Variants in HOOK1 observed in about 807,000 individuals in gnomAD.
HOOK1 encodes the protein protein Hook homolog 1.
A neutral mutation model predicts 112.8 loss-of-function variants in HOOK1; 60 were observed. That is an observed-to-expected ratio of 0.53 (90% confidence interval 0.43 to 0.66). HOOK1 has a LOEUF of 0.66. Ranked by LOEUF, HOOK1 falls within the 30% of genes least tolerant of loss-of-function variation. HOOK1 has a pLI of 0.00. For missense variants in HOOK1, 770 were observed against 856.0 expected (o/e 0.90, Z 1.25); for synonymous variants, 294 against 283.8 (o/e 1.04, Z -0.36).
At chr1:59,821,571 T>G (rs2098385633) in intron 1 of HOOK1, among the ~76,000 whole-genome samples, 1 of 152,238 alleles carries the variant, frequency 6.6e-6, no homozygotes, top group Non-Finnish European at 1.5e-5. Flanking sequence ...GTTATATACC[T>G]GGTTTTGTAT....
chr1:59,836,148 A>G (rs2098397498), intron 6 of HOOK1, among the ~76,000 whole-genome samples: 1 of 152,146 alleles, frequency 6.6e-6, no homozygotes, highest in South Asian at 2.1e-4. Context: ...GTGAGCAAAT[A>G]TGGTGGTACT....
At chr1:59,868,466 T>C in intron 20 of HOOK1, 115 bp downstream of exon 20, 2 of 712,666 alleles carry the variant, frequency 2.8e-6, no homozygotes, top group East Asian at 2.7e-5. Flanking sequence ...AAATGTCATG[T>C]TTTAGCACCC....
In HOOK1 at chr1:59,873,116, T is replaced by G; in HGVS notation, c.*151T>G. On this transcript the variant is annotated 3_prime_UTR_variant, in exon 22 of 22. Coordinates refer to ENST00000371208, the MANE Select transcript of HOOK1 (RefSeq NM_015888.6). ...AAAATCAACATGCATCAAATTAATT[T>G]TGCCAGTTGACTTTAAAAACAAATT... is the stretch of plus-strand genomic sequence containing the variant. The G allele has an allele frequency of 8.4e-6, 5 of 595,524 alleles. No individual in the cohort carries two copies. The highest frequency in any genetic ancestry group is 1.3e-5 in the Non-Finnish European group (5 of 391,468). The allele number at this position is 595,524 out of a possible 1,614,324, so 36.9% of individuals were successfully genotyped here.
chr1:59,853,546 G>C (rs78468434), intron 12 of HOOK1, among the ~76,000 whole-genome samples: 7,332 of 151,900 alleles, frequency 0.048, 205 homozygotes, highest in Middle Eastern at 0.092. Flanking sequence ...GATTCTGCCA[G>C]TATTTGCTTT....
At chr1:59,818,023 T>C (rs898929930) in intron 1 of HOOK1, among the ~76,000 whole-genome samples, 1 of 152,228 alleles carries the variant, frequency 6.6e-6, no homozygotes, top group African/African-American at 2.4e-5. Context: ...TTAAGTGTGA[T>C]ATAGCTTAGT....
At chr1:59,859,082 ATAT>A (rs2098412201) in intron 14 of HOOK1, 37 bp downstream of exon 14, 6 of 1,023,560 alleles carry the variant, frequency 5.9e-6, no homozygotes, top group African/African-American at 1.7e-5. Context: ...ATTATATTTA[ATAT>A]TATAATTTTT....
At chr1:59,870,811 T>G (rs1259328660) in intron 20 of HOOK1, 2 of 406,906 alleles carry the variant, frequency 4.9e-6, no homozygotes, top group Non-Finnish European at 9.0e-6. Context: ...ATCATTCTCT[T>G]CTACCTGTAA....
intron 7 of HOOK1, among the ~76,000 whole-genome samples, chr1:59,839,695 T>C (rs1482159649): frequency 6.6e-6 from 1 of 152,206 alleles, no homozygotes; most frequent in Non-Finnish European, 1.5e-5. Flanking sequence ...TTCTCTTGCC[T>C]GATTGCCCTG....
intron 18 of HOOK1, among the ~76,000 whole-genome samples, chr1:59,865,505 AAAATGATTTC>A (rs1643945170): frequency 6.6e-6 from 1 of 152,164 alleles, no homozygotes; most frequent in African/African-American, 2.4e-5. Context: ...AATGTGGGTA[AAAATGATTTC>A]AAATCAGATT....
chr1:59,819,138 ATTTTTTTTTTTTTT>A (rs60936378), intron 1 of HOOK1, among the ~76,000 whole-genome samples: 2 of 76,542 alleles, frequency 2.6e-5, no homozygotes, highest in Admixed American at 1.6e-4. Context: ...CCCAATAAGC[ATTTTTTTTTTTTTT>A]TTTTTTTTTT....
intron 2 of HOOK1, among the ~76,000 whole-genome samples, chr1:59,822,783 C>A (rs939568685): frequency 6.6e-6 from 1 of 152,164 alleles, no homozygotes; most frequent in Non-Finnish European, 1.5e-5. Context: ...CCATGATTTA[C>A]ATTGAAAACC....
Position 59,873,555 on chromosome 1 carries a change from T to C in HOOK1, c.*590T>C, listed in dbSNP as rs1313642362. On this transcript the variant is annotated 3_prime_UTR_variant, in exon 22 of 22. Coordinates refer to ENST00000371208, the MANE Select transcript of HOOK1 (RefSeq NM_015888.6). The stretch of plus-strand genomic sequence containing the variant: ...GGAAGATCTGACAATTGGAATGACT[T>C]TGGAATAATAAAATTGACTAATTGG... The C allele has an allele frequency of 6.6e-6, 1 of 151,702 alleles. No individual in the cohort carries two copies. Among genetic ancestry groups the C allele is most frequent in the Non-Finnish European group, 1.5e-5 (1 of 67,892 alleles). 9.4% of individuals were successfully genotyped at this position (151,702 alleles called of 1,614,324 possible).
At chr1:59,864,136 A>C (rs1451656516) in intron 16 of HOOK1, among the ~76,000 whole-genome samples, 1 of 151,974 alleles carries the variant, frequency 6.6e-6, no homozygotes, top group Non-Finnish European at 1.5e-5. Context: ...CTTTTTAACA[A>C]TATTCAGTTG....
At chr1:59,864,555 TAA>T in intron 16 of HOOK1, 75 bp from the exon 17 acceptor site, 2 of 879,136 alleles carry the variant, frequency 2.3e-6, no homozygotes, top group Non-Finnish European at 3.8e-6. Flanking sequence ...CAAAAGGAGG[TAA>T]AGAGATTTCG....
At chr1:59,828,893 G>A (rs779794991) in intron 3 of HOOK1, 41 bp downstream of exon 3, 2 of 1,480,220 alleles carry the variant, frequency 1.4e-6, no homozygotes, top group African/African-American at 2.8e-5. Flanking sequence ...TCCAAACAGT[G>A]GTCCTAAAGT....
At chr1:59,828,697 G>A in intron 2 of HOOK1, 83 bp from the exon 3 acceptor site, 2 of 1,122,216 alleles carry the variant, frequency 1.8e-6, no homozygotes, top group Non-Finnish European at 2.6e-6. Flanking sequence ...AAGACATAAA[G>A]TAACTTTCTC....
intron 12 of HOOK1, among the ~76,000 whole-genome samples, chr1:59,857,061 T>C (rs2098411116): frequency 6.6e-6 from 1 of 152,186 alleles, no homozygotes; most frequent in African/African-American, 2.4e-5. Context: ...TCAGTACCTG[T>C]GGTGGCAAAC....
chr1:59,859,709 T>A (rs986928847), intron 14 of HOOK1, among the ~76,000 whole-genome samples: 9 of 152,012 alleles, frequency 5.9e-5, no homozygotes, highest in African/African-American at 2.2e-4. Flanking sequence ...AAAATTTTTT[T>A]CAGAAACAAA....
chr1:59,871,995 C>G (rs1644061573), intron 21 of HOOK1, among the ~76,000 whole-genome samples: 2 of 152,282 alleles, frequency 1.3e-5, no homozygotes, highest in South Asian at 4.1e-4. Flanking sequence ...AGATCAGTGA[C>G]TGTGTATTAT....
Sources: allele counts gnomAD v4.1 joint callset (sites outside exome capture counted in the v4.1 genomes callset), GRCh38; gene constraint gnomAD v4.1.1; transcripts MANE v1.5; gene names NCBI Gene and HGNC (gene_info 2026-07-23, HGNC 2026-07-21).